DGLUCY: variants seen among roughly 807,000 people sequenced by gnomAD.
DGLUCY encodes the protein D-glutamate cyclase.
DGLUCY carries 58 observed loss-of-function variants against 58.5 expected under a neutral mutation model. That is an observed-to-expected ratio of 0.99 (90% CI 0.80 to 1.23). DGLUCY has a LOEUF of 1.23. Ranked by LOEUF, DGLUCY falls within the 50% of genes most tolerant of loss-of-function variation. DGLUCY has a pLI of 0.00. For synonymous variants in DGLUCY, 325 were observed against 314.1 expected, an observed-to-expected ratio of 1.03 and a Z score of -0.37; for missense variants, 779 against 784.7, an observed-to-expected ratio of 0.99 and a Z score of 0.09.
At position 91,141,747 on chromosome 14, in the gene DGLUCY, C is replaced by T. The variant is rs374532325; in HGVS notation, c.-81-15892C>T. Among the ~76,000 whole-genome samples, 681 of 152,072 alleles carry T rather than the reference C, an allele frequency of 4.5e-3. 3 individuals carry two copies. Among genetic ancestry groups the T allele is most frequent in the Non-Finnish European group, 8.1e-3 (553 of 67,978 alleles). On this transcript the variant is annotated intron_variant, in intron 1 of 13. Coordinates refer to ENST00000256324, the MANE Select transcript of DGLUCY (RefSeq NM_001102368.3). ...TGTAATTTTAGTAGAGATGGGCTTT[C>T]ACCACGTTGGTCAGGCTGGTCTTGA...
At chr14:91,069,845 A>G (rs527455664) in intron 1 of DGLUCY, among the ~76,000 whole-genome samples, 9 of 143,094 alleles carry the variant, frequency 6.3e-5, no homozygotes, top group African/African-American at 1.8e-4. Context: ...CAGTTGTGCA[A>G]TCTTGGCTCA....
chr14:91,083,954 T>G (rs1297309551), intron 1 of DGLUCY, among the ~76,000 whole-genome samples: 1 of 152,094 alleles, frequency 6.6e-6, no homozygotes, highest in African/African-American at 2.4e-5. Context: ...TCCAAAATGA[T>G]CTTGTTCATC....
chr14:91,167,174 C>G (rs1037602495), intron 3 of DGLUCY, 51 bp from the exon 4 acceptor site: 2 of 1,524,548 alleles, frequency 1.3e-6, no homozygotes, highest in Non-Finnish European at 1.8e-6. Flanking sequence ...CAGTAAGTGT[C>G]TGCCAAGAAA....
chr14:91,120,990 A>G (rs1485016790), intron 1 of DGLUCY, among the ~76,000 whole-genome samples: 2 of 152,168 alleles, frequency 1.3e-5, no homozygotes, highest in Non-Finnish European at 2.9e-5. Context: ...ATACTCCTTC[A>G]GGTTATGCAC....
At chr14:91,191,478 C>G (rs1207990199) in intron 9 of DGLUCY, among the ~76,000 whole-genome samples, 3 of 152,200 alleles carry the variant, frequency 2.0e-5, no homozygotes, top group Non-Finnish European at 4.4e-5. Context: ...GGACAGTTCC[C>G]TGTCTTTTGG....
At chr14:91,075,974 G>A (rs1438887225) in intron 1 of DGLUCY, among the ~76,000 whole-genome samples, 6 of 152,110 alleles carry the variant, frequency 3.9e-5, no homozygotes, top group Non-Finnish European at 1.5e-5. Flanking sequence ...TTAGCTGGGC[G>A]TGGTGGTGGG....
At chr14:91,178,805 C>T (rs1255594928) in intron 7 of DGLUCY, among the ~76,000 whole-genome samples, 3 of 151,534 alleles carry the variant, frequency 2.0e-5, no homozygotes, top group Admixed American at 6.6e-5. Flanking sequence ...CTGAGGTGGT[C>T]GGATCACTTG....
chr14:91,144,281 G>C (rs560586866), intron 1 of DGLUCY, among the ~76,000 whole-genome samples: 8 of 152,136 alleles, frequency 5.3e-5, no homozygotes, highest in Non-Finnish European at 1.0e-4. Flanking sequence ...GTCAAAACAG[G>C]AAGAGCAGGG....
intron 12 of DGLUCY, 139 bp from the exon 13 acceptor site, chr14:91,215,266 T>A: frequency 7.2e-7 from 1 of 1,384,382 alleles, no homozygotes; most frequent in Non-Finnish European, 9.4e-7. Flanking sequence ...AAAGAATTTG[T>A]GTTTCTAGCA....
At chr14:91,173,599 C>A in intron 6 of DGLUCY, 160 bp downstream of exon 6, 1 of 1,056,142 alleles carries the variant, frequency 9.5e-7, no homozygotes, top group Non-Finnish European at 1.3e-6. Context: ...TGGAGTTGGG[C>A]CTAAGAAGCA....
intron 1 of DGLUCY, among the ~76,000 whole-genome samples, chr14:91,140,893 T>C (rs1226425617): frequency 6.6e-6 from 1 of 152,180 alleles, no homozygotes; most frequent in African/African-American, 2.4e-5. Context: ...CTCTCCTGGC[T>C]GGTCTATTGT....
chr14:91,063,855 G>A (rs1252945098), intron 1 of DGLUCY, among the ~76,000 whole-genome samples: 3 of 152,166 alleles, frequency 2.0e-5, no homozygotes, highest in African/African-American at 2.4e-5. Flanking sequence ...TGATATAATC[G>A]TGGTAGTATT....
intron 6 of DGLUCY, chr14:91,173,702 G>T (rs1252530147): frequency 1.3e-5 from 5 of 382,918 alleles, no homozygotes; most frequent in East Asian, 4.7e-5. Context: ...AGGCTCAAAG[G>T]CTCTGGCAGC....
At chr14:91,166,436 A>C (rs2048285730) in intron 3 of DGLUCY, among the ~76,000 whole-genome samples, 1 of 151,864 alleles carries the variant, frequency 6.6e-6, no homozygotes, top group Non-Finnish European at 1.5e-5. Context: ...AGGCCAAGAC[A>C]GGCAGATCAC....
At chr14:91,085,987 G>A (rs1349189868) in intron 1 of DGLUCY, among the ~76,000 whole-genome samples, 2 of 152,198 alleles carry the variant, frequency 1.3e-5, no homozygotes, top group African/African-American at 4.8e-5. Flanking sequence ...CAAGCAATCT[G>A]TGTTTACAGT....
intron 8 of DGLUCY, among the ~76,000 whole-genome samples, chr14:91,186,509 C>T (rs563312181): frequency 6.2e-4 from 95 of 152,320 alleles, no homozygotes; most frequent in African/African-American, 2.3e-3. Context: ...GGTGATCCAT[C>T]TGCCTCAGCC....
At chr14:91,133,404 T>C (rs1487243006) in intron 1 of DGLUCY, among the ~76,000 whole-genome samples, 2 of 152,226 alleles carry the variant, frequency 1.3e-5, no homozygotes, top group African/African-American at 4.8e-5. Context: ...TCAGTGGACA[T>C]TGGCTTCCAC....
Position 91,170,017 on chromosome 14 carries a change from A to C in DGLUCY, c.272A>C (p.Gln91Pro), listed in dbSNP as rs1352877301. The change falls in exon 5 of 14, where the codon CAG becomes CCG. Residue 91 changes from glutamine (Q) to proline (P), a missense_variant. Gln to Pro is a moderately conservative substitution (Grantham distance 76, BLOSUM62 -1). Coordinates refer to ENST00000256324, the MANE Select transcript of DGLUCY (RefSeq NM_001102368.3). ...AISETRMGHPQFWKYEFGACT... is the reference protein window; with the variant it reads ...AISETRMGHPPFWKYEFGACT... The stretch of plus-strand genomic sequence containing the variant: ...TATGTCCCCAGGATGGGCCATCCCC[A>C]GTTCTGGAAATACGAGTTCGGTGCC... 1 of 1,612,026 alleles carries C rather than the reference A, an allele frequency of 6.2e-7. No individual in the cohort carries two copies. Among genetic ancestry groups the C allele is most frequent in the African/African-American group, 1.3e-5 (1 of 74,862 alleles).
chr14:91,149,434 T>C (rs1375197205), intron 1 of DGLUCY, among the ~76,000 whole-genome samples: 1 of 152,186 alleles, frequency 6.6e-6, no homozygotes, highest in Non-Finnish European at 1.5e-5. Context: ...CAGGGAGTGG[T>C]GCTCATGGTG....
Sources: allele counts gnomAD v4.1 joint callset (sites outside exome capture counted in the v4.1 genomes callset), GRCh38; gene constraint gnomAD v4.1.1; transcripts MANE v1.5; gene names NCBI Gene and HGNC (gene_info 2026-07-23, HGNC 2026-07-21).